The following CEP295 variants were observed in gnomAD, a reference collection of about 807,000 sequenced individuals.
The protein encoded by CEP295 is centrosomal protein 295, also known as centrosomal protein of 295 kDa.
In CEP295, 190 loss-of-function variants were observed where a neutral mutation model predicts 291.6. The ratio of observed to expected loss-of-function variants is 0.65; its 90% CI spans 0.58 to 0.73. CEP295 has a LOEUF of 0.73. CEP295 is among the 30% of genes least tolerant of loss of function. The probability of loss-of-function intolerance (pLI) is 0.00; values close to 1 mark genes in which losing one functional copy is unlikely to be tolerated. For synonymous variants in CEP295, 993 were observed against 1,038.8 expected (o/e 0.96, Z 0.85); for missense variants, 2,863 against 2,949.4 (o/e 0.97, Z 0.68).
At chr11:93,682,484 A>G (rs1049513465) in intron 7 of CEP295, among the ~76,000 whole-genome samples, 9 of 152,140 alleles carry the variant, frequency 5.9e-5, no homozygotes, top group African/African-American at 1.9e-4. Flanking sequence ...TTGGCCTCCC[A>G]AAGTGCTGGG....
chr11:93,718,997 A>C (rs1953476190), intron 18 of CEP295, among the ~76,000 whole-genome samples: 10 of 152,076 alleles, frequency 6.6e-5, no homozygotes, highest in Admixed American at 5.2e-4. Context: ...AGTCCCAGCT[A>C]CTCAGGAGGC....
At chr11:93,710,683 ATTGGT>A (rs1952833419) in intron 18 of CEP295, among the ~76,000 whole-genome samples, 1 of 152,018 alleles carries the variant, frequency 6.6e-6, no homozygotes, top group Non-Finnish European at 1.5e-5. Flanking sequence ...TTTGAGTGGG[ATTGGT>A]ATTAGTTTGC....
At position 93,700,043 on chromosome 11, in the gene CEP295, C is replaced by T; in HGVS notation, c.5131C>T (p.Gln1711Ter). The T allele has an allele frequency of 6.4e-7, 1 of 1,551,820 alleles. No homozygotes were observed. The highest frequency in any genetic ancestry group is 1.2e-5 in the South Asian group (1 of 84,054). ...AACTCAGCAAGATAACTTGGGACTT[C>T]AGAAACAGTTGGATCTACAAAGAGA... is the stretch of plus-strand genomic sequence containing the variant. ...VLTQQDNLGL[Q>*]KQLDLQREVL... The change falls in exon 15 of 30, where the codon CAG becomes TAG. Residue 1711 changes from glutamine (Q) to a stop codon, truncating the protein, a stop_gained. Transcript: ENST00000325212. LOFTEE classifies it high-confidence loss of function.
chr11:93,675,690 T>C, intron 6 of CEP295, 24 bp downstream of exon 6: 2 of 1,138,136 alleles, frequency 1.8e-6, no homozygotes, highest in Non-Finnish European at 1.2e-6. Flanking sequence ...TGTTTCTTCA[T>C]GCCCTCGCTT....
rs34039567 is a variant in CEP295 at position 93,720,489 on chromosome 11, A to AAAAAAAAAAAG, written c.5750-822_5750-821insAAAAAAAAAGA. 3.3e-5 allele frequency among the ~76,000 whole-genome samples: 4 copies of AAAAAAAAAAAG among 121,322 alleles called. 1 individual carries two copies. The highest frequency in any genetic ancestry group is 5.0e-5 in the Non-Finnish European group (3 of 60,016). 79.6% of individuals were successfully genotyped at this position (121,322 alleles called of 152,430 possible). A position where few individuals can be genotyped will look rare whatever the true frequency, so the allele number is the denominator to read the frequency against. On this transcript the variant is annotated intron_variant, in intron 18 of 29. Coordinates refer to ENST00000325212, the MANE Select transcript of CEP295 (RefSeq NM_033395.2). The stretch of plus-strand genomic sequence containing the variant: ...AGTCTGCCTCAAAAAAAAAAAAAAA[A>AAAAAAAAAAAG]ACTGTCTCTAAAAAAATGAAATAAA...
intron 18 of CEP295, among the ~76,000 whole-genome samples, chr11:93,717,831 G>A (rs1255046676): frequency 6.6e-6 from 1 of 152,130 alleles, no homozygotes; most frequent in African/African-American, 2.4e-5. Context: ...GGCATTACCT[G>A]ATAGTGCCAG....
Position 93,675,673 on chromosome 11 carries a change from G to A in CEP295, c.624+7G>A. The A allele has an allele frequency of 7.5e-7, 1 of 1,326,740 alleles. No homozygotes were observed. Among genetic ancestry groups the A allele is most frequent in the Admixed American group, 2.6e-5 (1 of 38,362 alleles). 82.2% of individuals were successfully genotyped at this position (1,326,740 alleles called of 1,614,324 possible). A position where few individuals can be genotyped will look rare whatever the true frequency, so the allele number is the denominator to read the frequency against. Reference sequence around the variant, plus strand: ...AGAGACAGACACAAAACGGGTGATTGACTTATTGTTTCTTCATGCCCTCGC... The same window carrying A: ...AGAGACAGACACAAAACGGGTGATTAACTTATTGTTTCTTCATGCCCTCGC... On this transcript the variant is annotated splice_region_variant and intron_variant, in intron 6 of 29. Coordinates refer to ENST00000325212, the MANE Select transcript of CEP295 (RefSeq NM_033395.2).
intron 23 of CEP295, chr11:93,726,765 T>G: frequency 2.4e-6 from 1 of 423,786 alleles, no homozygotes; most frequent in Non-Finnish European, 4.2e-6. Context: ...TATTAAATAT[T>G]AATAGAAAAA....
chr11:93,688,636 T>C (rs571321069), intron 10 of CEP295, among the ~76,000 whole-genome samples: 3 of 152,310 alleles, frequency 2.0e-5, no homozygotes, highest in Admixed American at 6.5e-5. Flanking sequence ...CACATCTCCA[T>C]AATGACTAAC....
At chr11:93,728,989 C>A (rs1023249242) in intron 25 of CEP295, 168 bp downstream of exon 25, 1 of 589,192 alleles carries the variant, frequency 1.7e-6, no homozygotes, top group Non-Finnish European at 2.9e-6. Flanking sequence ...ATTCTGTCAA[C>A]CATTGTGCAT....
intron 24 of CEP295, 39 bp downstream of exon 24, chr11:93,727,676 CCT>C: frequency 6.9e-7 from 1 of 1,446,574 alleles, no homozygotes; most frequent in South Asian, 1.5e-5. Flanking sequence ...CATTTAAATT[CCT>C]TTTTGGGAAA....
intron 1 of CEP295, among the ~76,000 whole-genome samples, chr11:93,663,325 G>A (rs1479301518): frequency 6.6e-6 from 1 of 152,162 alleles, no homozygotes; most frequent in African/African-American, 2.4e-5. Context: ...TTACACTGAA[G>A]TCTGAGGCGC....
chr11:93,712,521 TAGGATTAC>T (rs1311586710), intron 18 of CEP295, among the ~76,000 whole-genome samples: 1 of 152,198 alleles, frequency 6.6e-6, no homozygotes, highest in Non-Finnish European at 1.5e-5. Context: ...CCCAAACTGC[TAGGATTAC>T]AGGCATAAGC....
At chr11:93,684,848 G>A (rs7939434) in intron 9 of CEP295, among the ~76,000 whole-genome samples, 148,733 of 152,276 alleles carry the variant, frequency 0.98, 72,752 homozygotes, top group Middle Eastern at 1. Flanking sequence ...GGTTCAGCAC[G>A]ACAAAGATCA....
intron 4 of CEP295, among the ~76,000 whole-genome samples, chr11:93,669,183 T>A (rs1203870542): frequency 6.6e-6 from 1 of 152,080 alleles, no homozygotes; most frequent in Non-Finnish European, 1.5e-5. Context: ...TCTGAAAAAA[T>A]ATATGGCTAC....
chr11:93,687,702 A>G lies in CEP295; in HGVS notation c.1173A>G (p.Leu391=). 1.3e-6 allele frequency: 2 copies of G among 1,546,052 alleles called. No homozygotes were observed. The highest frequency in any genetic ancestry group is 1.8e-6 in the Non-Finnish European group (2 of 1,142,832). The change falls in exon 10 of 30, where the codon TTA becomes TTG. Residue 391 remains leucine, a synonymous_variant. Transcript: ENST00000325212. The part of the protein sequence containing the change: ...IPSKVLFKKL[L]NKIRSQKSLW... Reference sequence around the variant, plus strand: ...CAAAAGTTCTTTTTAAAAAATTATTAAATAAGATCCGAAGCCAAAAATCTC... The same window carrying G: ...CAAAAGTTCTTTTTAAAAAATTATTGAATAAGATCCGAAGCCAAAAATCTC...
chr11:93,675,875 T>A (rs1055453081), intron 6 of CEP295, among the ~76,000 whole-genome samples: 9 of 152,068 alleles, frequency 5.9e-5, no homozygotes, highest in Non-Finnish European at 1.3e-4. Flanking sequence ...GCTATTTAAA[T>A]GGTTATTTTA....
chr11:93,712,719 A>G (rs901460273), intron 18 of CEP295, among the ~76,000 whole-genome samples: 1 of 151,984 alleles, frequency 6.6e-6, no homozygotes, highest in African/African-American at 2.4e-5. Context: ...ATTCAGCCAC[A>G]CTATGTCTTT....
intron 18 of CEP295, among the ~76,000 whole-genome samples, chr11:93,719,113 A>AC (rs1316378635): frequency 6.6e-6 from 1 of 151,842 alleles, no homozygotes; most frequent in Non-Finnish European, 1.5e-5. Flanking sequence ...CTCAAAAAAA[A>AC]TAAAGACAAA....
Sources: allele counts gnomAD v4.1 joint callset (sites outside exome capture counted in the v4.1 genomes callset), GRCh38; gene constraint gnomAD v4.1.1; transcripts MANE v1.5; gene names NCBI Gene and HGNC (gene_info 2026-07-23, HGNC 2026-07-21).